The following TOP1 variants were observed in gnomAD, a reference collection of about 807,000 sequenced individuals.
The protein encoded by TOP1 is DNA topoisomerase 1.
In TOP1, 10 loss-of-function variants were observed where a neutral mutation model predicts 111.1. That is an observed-to-expected ratio of 0.09 (90% CI 0.06 to 0.15). The LOEUF is 0.15. Among genes scored for constraint, TOP1 ranks in the 10% least tolerant of loss-of-function variants. The probability of loss-of-function intolerance (pLI) is 1.00; values close to 1 mark genes in which losing one functional copy is unlikely to be tolerated. For missense variants in TOP1, 474 were observed against 926.7 expected (o/e 0.51, Z 6.34); for synonymous variants, 271 against 302.9 (o/e 0.89, Z 1.10).
Position 41,102,014 on chromosome 20 carries a change from C to T in TOP1, c.1308+661C>T, listed in dbSNP as rs770889876. Among the ~76,000 whole-genome samples, 10 of 152,330 alleles carry T rather than the reference C, an allele frequency of 6.6e-5. No homozygotes were observed. The highest frequency in any genetic ancestry group is 2.4e-4 in the African/African-American group (10 of 41,566). ...GTATATCTAGCTTTGGAGAGTCCCA[C>T]GAACTTCTTCCCTCCAACATACTAT... On this transcript the variant is annotated intron_variant, in intron 13 of 20. Coordinates refer to ENST00000361337, the MANE Select transcript of TOP1 (RefSeq NM_003286.4). This position sits in a 1 kb window ranked among gnomAD's most constrained non-coding sequence, Gnocchi z 4.0.
Position 41,121,906 on chromosome 20 carries a change from C to G in TOP1, c.2046-100C>G. ...TCTGAGAAATGTCTTTTGGAAATCT[C>G]TATACTAGGGCTTTTATTGACTCAA... On this transcript the variant is annotated intron_variant, in intron 19 of 20. Transcript: ENST00000361337. This position sits in a 1 kb window ranked among gnomAD's most constrained non-coding sequence, Gnocchi z 4.2. The G allele has an allele frequency of 6.4e-7, 1 of 1,564,312 alleles. No individual in the cohort carries two copies. The highest frequency in any genetic ancestry group is 8.7e-7 in the Non-Finnish European group (1 of 1,145,840).
At chr20:41,036,485 G>C (rs1379685740) in intron 2 of TOP1, among the ~76,000 whole-genome samples, 1 of 152,206 alleles carries the variant, frequency 6.6e-6, no homozygotes, top group Admixed American at 6.5e-5. Context: ...TTGAGAATTA[G>C]ATAAGTATAT....
chr20:41,081,227 T>TAGA lies in TOP1; in HGVS notation c.504_506dup (p.Glu169dup), dbSNP rs748165145. ...ACCAAGAAGGAGAAGAAAAGAAAAC[T>TAGA]AGAAGAAGAAGAGGTTAGTAAAGAG... On this transcript the variant is annotated inframe_insertion, in exon 7 of 21. Transcript: ENST00000361337. 3.7e-6 allele frequency: 6 copies of TAGA among 1,605,502 alleles called. 1 individual carries two copies. The South Asian group carries it at 6.6e-5, about 18-fold the overall frequency.
chr20:41,119,157 A>C (rs2034380942), intron 18 of TOP1, among the ~76,000 whole-genome samples: 1 of 152,234 alleles, frequency 6.6e-6, no homozygotes, highest in Non-Finnish European at 1.5e-5. Flanking sequence ...GCCTGTAGTA[A>C]ATTTCAAGGT....
intron 2 of TOP1, among the ~76,000 whole-genome samples, chr20:41,049,947 C>T (rs370910205): frequency 1.3e-5 from 2 of 152,110 alleles, no homozygotes; most frequent in South Asian, 2.1e-4. Context: ...ATGCAATACA[C>T]ATTTAGGGAG....
At position 41,095,644 on chromosome 20, in the gene TOP1, A is replaced by C. The variant is rs2033972560; in HGVS notation, c.731-1576A>C. Among the ~76,000 whole-genome samples the C allele has an allele frequency of 6.6e-6, 1 of 152,036 alleles. No homozygotes were observed. The highest frequency in any genetic ancestry group is 2.1e-4 in the South Asian group (1 of 4,830). On this transcript the variant is annotated intron_variant, in intron 9 of 20. Transcript: ENST00000361337. The surrounding 1 kb of genome is among the most constrained non-coding windows in gnomAD (Gnocchi z 4.6). Reference sequence around the variant, plus strand: ...TCAATATTGTGCTACAGTTCTCTACACCCCTGCAAAGTCAGATTGCATATC... The same window carrying C: ...TCAATATTGTGCTACAGTTCTCTACCCCCCTGCAAAGTCAGATTGCATATC...
chr20:41,081,122 A>T (rs2145938279), intron 6 of TOP1, 43 bp from the exon 7 acceptor site: 1 of 1,556,478 alleles, frequency 6.4e-7, no homozygotes, highest in Non-Finnish European at 8.7e-7. Flanking sequence ...AGAACTCCTG[A>T]ATCATAATTA....
Position 41,077,657 on chromosome 20 carries a change from T to C in TOP1, c.335+20T>C. ...CTCTAGGTAAGACTTTGCTGCTGCG[T>C]GGGCTTCCCTTTCTCTGGGTGGACA... On this transcript the variant is annotated intron_variant, in intron 5 of 20. Coordinates refer to ENST00000361337, the MANE Select transcript of TOP1 (RefSeq NM_003286.4). 6.2e-7 allele frequency: 1 copy of C among 1,612,210 alleles called. No homozygotes were observed. Among genetic ancestry groups the C allele is most frequent in the Non-Finnish European group, 8.5e-7 (1 of 1,178,224 alleles).
intron 13 of TOP1, among the ~76,000 whole-genome samples, chr20:41,104,060 G>A (rs990675571): frequency 6.6e-6 from 1 of 152,088 alleles, no homozygotes; most frequent in Non-Finnish European, 1.5e-5. Context: ...GTCCTTTAAG[G>A]GCTCAGTCTC....
chr20:41,112,072 T>C lies in TOP1; in HGVS notation c.1309-710T>C, dbSNP rs2034251740. Reference sequence around the variant, plus strand: ...TTTAAAGGCTTCCCAGAAACATAGTTTCTCTCAATCTCATCAAGAAATGCT... The same window carrying C: ...TTTAAAGGCTTCCCAGAAACATAGTCTCTCTCAATCTCATCAAGAAATGCT... On this transcript the variant is annotated intron_variant, in intron 13 of 20. Transcript: ENST00000361337. This position sits in a 1 kb window ranked among gnomAD's most constrained non-coding sequence, Gnocchi z 5.8. Among the ~76,000 whole-genome samples, 1 of 152,228 alleles carries C rather than the reference T, an allele frequency of 6.6e-6. No individual in the cohort carries two copies. The highest frequency in any genetic ancestry group is 2.1e-4 in the South Asian group (1 of 4,830).
intron 17 of TOP1, among the ~76,000 whole-genome samples, chr20:41,117,380 ATT>A (rs1192075214): frequency 7.9e-3 from 674 of 85,478 alleles, no homozygotes; most frequent in African/African-American, 0.029. Flanking sequence ...CTGTGGCTTA[ATT>A]TTTTTTTTTT....
chr20:41,039,554 G>A (rs894338464), intron 2 of TOP1, among the ~76,000 whole-genome samples: 2 of 152,002 alleles, frequency 1.3e-5, no homozygotes, highest in Admixed American at 6.5e-5. Flanking sequence ...TTTAAGTTCT[G>A]TGTATTTATT....
At chr20:41,049,558 C>T (rs907842457) in intron 2 of TOP1, among the ~76,000 whole-genome samples, 5 of 152,322 alleles carry the variant, frequency 3.3e-5, no homozygotes, top group East Asian at 3.9e-4. Context: ...TTCATGGAGG[C>T]AAGTCCAGTG....
At chr20:41,070,827 T>C (rs910854722) in intron 3 of TOP1, among the ~76,000 whole-genome samples, 10 of 152,220 alleles carry the variant, frequency 6.6e-5, no homozygotes, top group African/African-American at 2.4e-4. Context: ...AGTAGTCAAG[T>C]GCATGACCCT....
Position 41,098,538 on chromosome 20 carries a change from G to GCT in TOP1, c.975+204_975+205dup. On this transcript the variant is annotated intron_variant, in intron 11 of 20. Transcript: ENST00000361337. The surrounding 1 kb of genome is among the most constrained non-coding windows in gnomAD (Gnocchi z 5.7). ...TTGTGAACAAGTACTTTGCTCAGTA[G>GCT]CTCTGTACAGGAATCTTGGTGCTTC... 1.9e-6 allele frequency: 1 copy of GCT among 534,910 alleles called. No individual in the cohort carries two copies. Among genetic ancestry groups the GCT allele is most frequent in the South Asian group, 2.2e-5 (1 of 44,570 alleles). The allele number at this position is 534,910 out of a possible 1,614,324, so 33.1% of individuals were successfully genotyped here.
rs2033095113 is a variant in TOP1 at position 41,029,828 on chromosome 20, C to T, written c.58+373C>T. ...TGTGCCTGTGTCTCTTTCTCTCCCTCCCTCGGCTCTTTCCTTGAGCTGCCC... is the reference window on the plus strand; with the variant it reads ...TGTGCCTGTGTCTCTTTCTCTCCCTTCCTCGGCTCTTTCCTTGAGCTGCCC... On this transcript the variant is annotated intron_variant, in intron 2 of 20. Coordinates refer to ENST00000361337, the MANE Select transcript of TOP1 (RefSeq NM_003286.4). The surrounding 1 kb of genome is among the most constrained non-coding windows in gnomAD (Gnocchi z 6.1). 1.3e-5 allele frequency: 4 copies of T among 306,342 alleles called. No homozygotes were observed. Among genetic ancestry groups the T allele is most frequent in the Middle Eastern group, 3.8e-4 (1 of 2,616 alleles). The allele number at this position is 306,342 out of a possible 1,614,324, so 19.0% of individuals were successfully genotyped here.
rs761776217 is a variant in TOP1, at chr20:41,121,809, G to T, written c.2045+19G>T. ...CGAAGAAGTATGTACCTGGTATTGT[G>T]AAAGTTGGGGCTGGTAGAGAAAAGT... On this transcript the variant is annotated intron_variant, in intron 19 of 20. Transcript: ENST00000361337. The surrounding 1 kb of genome is among the most constrained non-coding windows in gnomAD (Gnocchi z 4.2). The T allele has an allele frequency of 1.9e-6, 3 of 1,610,442 alleles. No homozygotes were observed. Among genetic ancestry groups the T allele is most frequent in the Non-Finnish European group, 2.5e-6 (3 of 1,176,648 alleles).
intron 7 of TOP1, among the ~76,000 whole-genome samples, chr20:41,081,961 G>T (rs2033794157): frequency 6.6e-6 from 1 of 152,114 alleles, no homozygotes; most frequent in African/African-American, 2.4e-5. Context: ...TGATGCTTGT[G>T]GTAGATTGAA....
chr20:41,097,489 A>G lies in TOP1; in HGVS notation c.852+148A>G. The G allele has an allele frequency of 1.3e-6, 1 of 784,634 alleles. No individual in the cohort carries two copies. Among genetic ancestry groups the G allele is most frequent in the Non-Finnish European group, 1.9e-6 (1 of 513,478 alleles). 48.6% of individuals were successfully genotyped at this position (784,634 alleles called of 1,614,324 possible). ...TTAAACTTGCGTATTTTTTGTCTTCATTTACTATATTATGTAGGGTTTCTG... is the reference window on the plus strand; with the variant it reads ...TTAAACTTGCGTATTTTTTGTCTTCGTTTACTATATTATGTAGGGTTTCTG... On this transcript the variant is annotated intron_variant, in intron 10 of 20. Coordinates refer to ENST00000361337, the MANE Select transcript of TOP1 (RefSeq NM_003286.4). This position sits in a 1 kb window ranked among gnomAD's most constrained non-coding sequence, Gnocchi z 4.2.
Sources: allele counts gnomAD v4.1 joint callset (sites outside exome capture counted in the v4.1 genomes callset), GRCh38; gene constraint gnomAD v4.1.1; non-coding constraint Gnocchi (gnomAD v3.1); transcripts MANE v1.5; gene names NCBI Gene and HGNC (gene_info 2026-07-23, HGNC 2026-07-21).